LRGUK: variants seen among roughly 807,000 people sequenced by gnomAD.
The protein encoded by LRGUK is leucine rich repeats and guanylate kinase domain containing.
A neutral mutation model predicts 76.0 loss-of-function variants in LRGUK; 65 were observed. The ratio of observed to expected loss-of-function variants is 0.85; its 90% CI spans 0.70 to 1.05. The LOEUF (loss-of-function observed/expected upper bound fraction) is 1.05. LRGUK is among the 50% of genes least tolerant of loss of function. The pLI is 0.00. For missense variants in LRGUK, 758 were observed against 732.8 expected (o/e 1.03, Z -0.40); for synonymous variants, 268 against 265.6 (o/e 1.01, Z -0.09).
At chr7:134,196,011 C>G (rs1277709710) in intron 12 of LRGUK, among the ~76,000 whole-genome samples, 1 of 152,112 alleles carries the variant, frequency 6.6e-6, no homozygotes, top group Non-Finnish European at 1.5e-5. Context: ...CTCACATCTC[C>G]AGAACATCTG....
intron 1 of LRGUK, among the ~76,000 whole-genome samples, chr7:134,132,705 G>T (rs1430563531): frequency 6.6e-6 from 1 of 152,186 alleles, no homozygotes; most frequent in Non-Finnish European, 1.5e-5. Flanking sequence ...AGAGAATGGT[G>T]GGTTCAAAAC....
intron 19 of LRGUK, among the ~76,000 whole-genome samples, chr7:134,260,205 CA>C (rs1185312925): frequency 6.6e-6 from 1 of 151,690 alleles, no homozygotes; most frequent in Admixed American, 6.6e-5. Context: ...ATGATTGTAA[CA>C]TATATATGCA....
At chr7:134,196,133 C>T (rs1282321840) in intron 12 of LRGUK, among the ~76,000 whole-genome samples, 1 of 152,300 alleles carries the variant, frequency 6.6e-6, no homozygotes, top group Admixed American at 6.5e-5. Flanking sequence ...TTGTTTATTT[C>T]AAAATCACAT....
At chr7:134,231,923 T>A (rs947690809) in intron 16 of LRGUK, among the ~76,000 whole-genome samples, 2 of 151,522 alleles carry the variant, frequency 1.3e-5, no homozygotes, top group Admixed American at 1.3e-4. Context: ...TCCCTTCCCA[T>A]CCCTTCTTCC....
At chr7:134,264,557 GC>G (rs1243214144) in exon 20 of LRGUK, 2 of 152,160 alleles carry the variant, frequency 1.3e-5, no homozygotes, top group Non-Finnish European at 2.9e-5. Flanking sequence ...ACTTACTTTA[GC>G]AACACGAAAG....
chr7:134,261,319 T>C (rs1802721619), intron 19 of LRGUK, among the ~76,000 whole-genome samples: 1 of 152,176 alleles, frequency 6.6e-6, no homozygotes, highest in Non-Finnish European at 1.5e-5. Flanking sequence ...ATGTAACTTT[T>C]GTTTTCATCT....
the LRGUK span, among the ~76,000 whole-genome samples, chr7:134,273,707 ATTTG>A: frequency 6.6e-6 from 1 of 152,028 alleles, no homozygotes; most frequent in Non-Finnish European, 1.5e-5. Context: ...AGAATTACTA[ATTTG>A]TTTGTTGAAA....
chr7:134,178,934 A>AAAAACAAAAAAAAACC (rs1554464243), intron 10 of LRGUK, among the ~76,000 whole-genome samples: 1 of 78,134 alleles, frequency 1.3e-5, no homozygotes, highest in Non-Finnish European at 2.1e-5. Context: ...CTCAAAAAAA[A>AAAAACAAAAAAAAACC]AAAAAAAAAA....
At chr7:134,135,293 T>C (rs943772887) in intron 1 of LRGUK, among the ~76,000 whole-genome samples, 3 of 152,170 alleles carry the variant, frequency 2.0e-5, no homozygotes, top group Non-Finnish European at 2.9e-5. Flanking sequence ...TAGTGTGACA[T>C]TGACTTCTGG....
chr7:134,127,669 G>A lies in LRGUK; in HGVS notation c.297+5G>A, dbSNP rs375794899. ...TCCGAAATGCTGAATTTGGAGGTGT[G>A]TCTTCCCCCCCACCCCGTACTCCCT... On this transcript the variant is annotated splice_donor_5th_base_variant and intron_variant, in intron 1 of 15. Transcript: ENST00000645682. 266 of 1,609,676 alleles carry A rather than the reference G, an allele frequency of 1.7e-4. 2 individuals are homozygous for A. The African/African-American group carries it at 2.7e-3, about 16-fold the overall frequency.
At chr7:134,245,188 TAAAAAC>T (rs1802269648) in intron 16 of LRGUK, among the ~76,000 whole-genome samples, 1 of 152,026 alleles carries the variant, frequency 6.6e-6, no homozygotes, top group African/African-American at 2.4e-5. Flanking sequence ...AGTATAATAA[TAAAAAC>T]AAACAAAAAA....
intron 1 of LRGUK, among the ~76,000 whole-genome samples, chr7:134,131,563 A>G (rs1212159872): frequency 6.6e-6 from 1 of 152,154 alleles, no homozygotes; most frequent in Non-Finnish European, 1.5e-5. Flanking sequence ...AGAACAGAAG[A>G]AGCCTCCTAG....
chr7:134,256,699 A>G (rs1056487600), intron 18 of LRGUK, among the ~76,000 whole-genome samples: 2 of 151,886 alleles, frequency 1.3e-5, no homozygotes, highest in African/African-American at 4.8e-5. Context: ...CCCCTTTTCT[A>G]GCTAATTCAT....
intron 12 of LRGUK, among the ~76,000 whole-genome samples, chr7:134,192,494 C>G (rs1415265871): frequency 2.0e-5 from 3 of 152,112 alleles, no homozygotes; most frequent in Non-Finnish European, 4.4e-5. Context: ...TTACTGAAAC[C>G]CTGACAATCT....
At chr7:134,152,944 C>T (rs1261788597) in intron 5 of LRGUK, among the ~76,000 whole-genome samples, 1 of 104,782 alleles carries the variant, frequency 9.5e-6, no homozygotes, top group Non-Finnish European at 2.0e-5. Flanking sequence ...AGGCATAAAA[C>T]TAAGGGAGGA....
intron 13 of LRGUK, 92 bp downstream of exon 13, chr7:134,197,197 A>G (rs1055195620): frequency 5.6e-6 from 4 of 709,508 alleles, no homozygotes; most frequent in Non-Finnish European, 9.7e-6. Flanking sequence ...ATATGTATAA[A>G]CTTTTTACTG....
intron 13 of LRGUK, 51 bp downstream of exon 13, chr7:134,197,156 G>GGT (rs1377015167): frequency 9.3e-7 from 1 of 1,075,822 alleles, no homozygotes; most frequent in South Asian, 1.3e-5. Context: ...GTGTGAGTGT[G>GGT]GTGTGTGTGT....
At chr7:134,245,062 G>A (rs1045909500) in intron 16 of LRGUK, among the ~76,000 whole-genome samples, 4 of 152,028 alleles carry the variant, frequency 2.6e-5, no homozygotes, top group Admixed American at 1.3e-4. Flanking sequence ...GGGAGGGATA[G>A]CATTAGGAGA....
intron 1 of LRGUK, among the ~76,000 whole-genome samples, chr7:134,133,843 TGA>T (rs760760862): frequency 5.3e-5 from 8 of 152,072 alleles, no homozygotes; most frequent in Admixed American, 3.3e-4. Flanking sequence ...GCGGATCACT[TGA>T]GCCCAGGAGT....
Sources: allele counts gnomAD v4.1 joint callset (sites outside exome capture counted in the v4.1 genomes callset), GRCh38; gene constraint gnomAD v4.1.1; transcripts MANE v1.5; gene names NCBI Gene and HGNC (gene_info 2026-07-23, HGNC 2026-07-21).